The following SOX5 variants were observed in gnomAD, a reference collection of about 807,000 sequenced individuals.
The protein encoded by SOX5 is SRY-box transcription factor 5, also known as transcription factor SOX-5.
A neutral mutation model predicts 92.0 loss-of-function variants in SOX5; 9 were observed. That is an observed-to-expected ratio of 0.10 (90% CI 0.06 to 0.17). The LOEUF (loss-of-function observed/expected upper bound fraction) is 0.17, where lower values mean the gene tolerates loss of function less well. Among genes scored for constraint, SOX5 ranks in the 10% least tolerant of loss-of-function variants. The pLI is 1.00. For missense variants in SOX5, 642 were observed against 944.5 expected (o/e 0.68, Z 4.20); for synonymous variants, 344 against 336.3 (o/e 1.02, Z -0.25).
At chr12:23,987,264 C>T (rs573144312) in intron 4 of SOX5, among the ~76,000 whole-genome samples, 5 of 152,184 alleles carry the variant, frequency 3.3e-5, no homozygotes, top group Admixed American at 1.3e-4. Flanking sequence ...CTAGATTGTG[C>T]GGTCAGAGAT....
chr12:23,705,500 C>T (rs2091271991), intron 6 of SOX5, among the ~76,000 whole-genome samples: 1 of 152,036 alleles, frequency 6.6e-6, no homozygotes, highest in Non-Finnish European at 1.5e-5. Flanking sequence ...TACACACACA[C>T]ACATACACAG....
chr12:24,072,895 A>C (rs540967771), intron 4 of SOX5, among the ~76,000 whole-genome samples: 4 of 152,260 alleles, frequency 2.6e-5, no homozygotes, highest in African/African-American at 7.2e-5. Context: ...TAACACATAA[A>C]ATTTTTTTTT....
intron 4 of SOX5, among the ~76,000 whole-genome samples, chr12:24,032,843 TA>T (rs1955647007): frequency 6.6e-6 from 1 of 151,918 alleles, no homozygotes; most frequent in Admixed American, 6.6e-5. Flanking sequence ...TCAATTAAAT[TA>T]CTTTCAAACT....
intron 8 of SOX5, among the ~76,000 whole-genome samples, chr12:23,610,978 T>A (rs1309293492): frequency 6.6e-6 from 1 of 152,192 alleles, no homozygotes; most frequent in Non-Finnish European, 1.5e-5. Context: ...GATAAATAAA[T>A]ATACACAATT....
At chr12:24,143,894 G>A (rs1174759004) in intron 4 of SOX5, among the ~76,000 whole-genome samples, 1 of 151,536 alleles carries the variant, frequency 6.6e-6, no homozygotes, top group African/African-American at 2.4e-5. Context: ...AAAGGAGGAG[G>A]AGGAGGAGGA....
intron 2 of SOX5, among the ~76,000 whole-genome samples, chr12:23,874,265 T>C (rs1032462882): frequency 6.6e-6 from 1 of 152,206 alleles, no homozygotes; most frequent in African/African-American, 2.4e-5. Flanking sequence ...AATTCTAACA[T>C]TCATTTATTT....
At chr12:24,282,211 A>G (rs929714243) in intron 2 of SOX5, among the ~76,000 whole-genome samples, 3 of 152,186 alleles carry the variant, frequency 2.0e-5, no homozygotes, top group African/African-American at 7.2e-5. Flanking sequence ...CGAGGAATAT[A>G]TAAGAAATAA....
intron 4 of SOX5, among the ~76,000 whole-genome samples, chr12:24,190,496 C>T (rs954627208): frequency 6.6e-6 from 1 of 152,134 alleles, no homozygotes; most frequent in Non-Finnish European, 1.5e-5. Flanking sequence ...GGAACTGTGG[C>T]AAGATGTGGA....
At chr12:23,807,673 C>G (rs905255544) in intron 3 of SOX5, among the ~76,000 whole-genome samples, 4 of 139,732 alleles carry the variant, frequency 2.9e-5, no homozygotes, top group African/African-American at 1.1e-4. Flanking sequence ...CAGAGTTTTG[C>G]TGTGTTGCCC....
intron 2 of SOX5, among the ~76,000 whole-genome samples, chr12:24,282,003 T>G (rs1164598056): frequency 6.6e-6 from 1 of 152,148 alleles, no homozygotes; most frequent in Admixed American, 6.6e-5. Context: ...GATGGTCAAT[T>G]TCAGAGATTT....
At chr12:23,731,553 A>G (rs2093393517) in intron 6 of SOX5, among the ~76,000 whole-genome samples, 1 of 152,186 alleles carries the variant, frequency 6.6e-6, no homozygotes, top group Non-Finnish European at 1.5e-5. Context: ...AATGGAATAA[A>G]GACATCTAAA....
intron 4 of SOX5, among the ~76,000 whole-genome samples, chr12:24,072,488 A>T (rs954322292): frequency 6.6e-6 from 1 of 152,244 alleles, no homozygotes; most frequent in African/African-American, 2.4e-5. Context: ...ACCTGTTTAG[A>T]AGTCATAATA....
At chr12:24,086,793 C>T (rs1287129339) in intron 4 of SOX5, among the ~76,000 whole-genome samples, 1 of 151,906 alleles carries the variant, frequency 6.6e-6, no homozygotes, top group Non-Finnish European at 1.5e-5. Context: ...ACATATAAAC[C>T]CACTAAGGTT....
chr12:24,117,253 C>A (rs980990124), intron 4 of SOX5, among the ~76,000 whole-genome samples: 2 of 152,006 alleles, frequency 1.3e-5, no homozygotes, highest in Admixed American at 6.5e-5. Context: ...AAATTAAAAC[C>A]ATGTTGAGAT....
chr12:24,287,099 T>C (rs1488045036), intron 2 of SOX5, among the ~76,000 whole-genome samples: 1 of 152,168 alleles, frequency 6.6e-6, no homozygotes, highest in Non-Finnish European at 1.5e-5. Flanking sequence ...GGTGGATATG[T>C]TCACTTCAGG....
chr12:23,857,177 C>G (rs988481727), intron 2 of SOX5, among the ~76,000 whole-genome samples: 1 of 151,932 alleles, frequency 6.6e-6, no homozygotes, highest in Non-Finnish European at 1.5e-5. Context: ...AAATAGAAGA[C>G]TAATATAGGA....
chr12:23,650,239 G>A (rs1198417948), intron 7 of SOX5, among the ~76,000 whole-genome samples: 1 of 152,106 alleles, frequency 6.6e-6, no homozygotes, highest in African/African-American at 2.4e-5. Context: ...CAACCTGAAA[G>A]AGACTCGATA....
chr12:24,054,160 A>G (rs1214396488), intron 4 of SOX5, among the ~76,000 whole-genome samples: 1 of 152,226 alleles, frequency 6.6e-6, no homozygotes, highest in African/African-American at 2.4e-5. Flanking sequence ...GCGGATATCA[A>G]ACTTCTTTAA....
rs967260395 is a variant in SOX5 at position 23,880,684 on chromosome 12, A to G, written c.270+15109T>C. Among the ~76,000 whole-genome samples the G allele has an allele frequency of 5.3e-5, 8 of 152,120 alleles. No homozygotes were observed. The East Asian group carries it at 1.5e-3, about 29-fold the overall frequency. Reference sequence around the variant, plus strand: ...CCTGGTTACCTCTATATAAGGCACAACCCCCTTTCTAGTTTTCTTGGGCTA... The same window carrying G: ...CCTGGTTACCTCTATATAAGGCACAGCCCCCTTTCTAGTTTTCTTGGGCTA... On this transcript the variant is annotated intron_variant, in intron 2 of 14. Coordinates refer to ENST00000451604, the MANE Select transcript of SOX5 (RefSeq NM_006940.6).
Sources: gnomAD v4.1 joint callset for allele counts (sites outside exome capture counted in the v4.1 genomes callset) on GRCh38, gnomAD v4.1.1 for gene constraint, MANE v1.5 for transcripts, NCBI Gene and HGNC (gene_info 2026-07-23, HGNC 2026-07-21) for gene names.